The following ARHGAP29 variants were observed in gnomAD, a reference collection of about 807,000 sequenced individuals.
The protein encoded by ARHGAP29 is Rho GTPase activating protein 29.
ARHGAP29 carries 43 observed loss-of-function variants against 122.6 expected under a neutral mutation model. That is an observed-to-expected ratio of 0.35 (90% CI 0.27 to 0.45). The LOEUF (loss-of-function observed/expected upper bound fraction) is 0.45, where lower values mean the gene tolerates loss of function less well. Ranked by LOEUF, ARHGAP29 falls within the 20% of genes least tolerant of loss-of-function variation. The pLI, the probability that ARHGAP29 is intolerant of heterozygous loss-of-function variation, is 1.00. For synonymous variants in ARHGAP29, 506 were observed against 497.1 expected (o/e 1.02, Z -0.24); for missense variants, 1,303 against 1,477.2 (o/e 0.88, Z 1.93).
At chr1:94,205,749 T>G in intron 5 of ARHGAP29, 66 bp from the exon 6 acceptor site, 1 of 1,433,518 alleles carries the variant, frequency 7.0e-7, no homozygotes, top group Non-Finnish European at 9.7e-7. Flanking sequence ...TCAGAATTTT[T>G]TTGCCCCAAT....
chr1:94,247,693 G>GCAGCCA (rs1296679807), intron 1 of ARHGAP29, among the ~76,000 whole-genome samples: 1 of 150,838 alleles, frequency 6.6e-6, no homozygotes, highest in Non-Finnish European at 1.5e-5. Context: ...AGTGGCAGCC[G>GCAGCCA]CAGCCACAGA....
intron 1 of ARHGAP29, among the ~76,000 whole-genome samples, chr1:94,263,477 C>T (rs1345542837): frequency 6.6e-6 from 1 of 152,012 alleles, no homozygotes; most frequent in African/African-American, 2.4e-5. Context: ...TGTTAGACAT[C>T]ATGCAGACCA....
upstream of ARHGAP29, chr1:94,237,605 A>G (rs991272409): frequency 1.0e-6 from 1 of 987,688 alleles, no homozygotes; most frequent in Non-Finnish European, 1.2e-6. Context: ...CCGCCCCTGC[A>G]GCTACCGCCA....
At chr1:94,257,366 C>T (rs1292980149) in intron 1 of ARHGAP29, among the ~76,000 whole-genome samples, 2 of 151,856 alleles carry the variant, frequency 1.3e-5, no homozygotes, top group East Asian at 3.9e-4. Context: ...CAGGCCACTA[C>T]ACTCCAGCCT....
At chr1:94,274,541 T>C (rs987536866) in intron 1 of ARHGAP29, among the ~76,000 whole-genome samples, 5 of 152,238 alleles carry the variant, frequency 3.3e-5, no homozygotes, top group Admixed American at 1.3e-4. Context: ...GTTGGCAATA[T>C]GGTGGTCACA....
At chr1:94,267,309 T>A (rs1654809723) in intron 1 of ARHGAP29, among the ~76,000 whole-genome samples, 1 of 152,216 alleles carries the variant, frequency 6.6e-6, no homozygotes, top group African/African-American at 2.4e-5. Context: ...ATAGTTTTGG[T>A]TTCCAAAGGC....
chr1:94,187,900 A>G (rs1043770680), intron 15 of ARHGAP29, among the ~76,000 whole-genome samples: 2 of 152,198 alleles, frequency 1.3e-5, no homozygotes, highest in African/African-American at 4.8e-5. Flanking sequence ...AATCAGCCTA[A>G]GAACCCAGTG....
intron 12 of ARHGAP29, among the ~76,000 whole-genome samples, chr1:94,200,462 T>C (rs1333659619): frequency 3.9e-5 from 6 of 152,208 alleles, no homozygotes; most frequent in African/African-American, 1.2e-4. Flanking sequence ...AAAAATATTA[T>C]AGCCACTCTG....
chr1:94,310,194 C>G, the ARHGAP29 span, among the ~76,000 whole-genome samples: 1 of 152,154 alleles, frequency 6.6e-6, no homozygotes, highest in Non-Finnish European at 1.5e-5. Context: ...GAGTCCTCAC[C>G]TGGCAGCAAT....
the ARHGAP29 span, among the ~76,000 whole-genome samples, chr1:94,304,624 G>A: frequency 2.1e-4 from 32 of 152,334 alleles, no homozygotes; most frequent in South Asian, 6.4e-3. Context: ...TCACAGCAGT[G>A]GAGAGCAGGT....
intron 1 of ARHGAP29, among the ~76,000 whole-genome samples, chr1:94,269,563 T>C (rs1297652521): frequency 3.3e-5 from 5 of 149,384 alleles, no homozygotes; most frequent in African/African-American, 1.2e-4. Flanking sequence ...AATATATCAT[T>C]ATTATTATTA....
chr1:94,302,082 G>A, the ARHGAP29 span: 1 of 278,848 alleles, frequency 3.6e-6, no homozygotes, highest in Non-Finnish European at 7.0e-6. Flanking sequence ...GCCATACTGG[G>A]CACCTGGTCA....
chr1:94,293,832 T>G, the ARHGAP29 span, among the ~76,000 whole-genome samples: 1 of 152,214 alleles, frequency 6.6e-6, no homozygotes, highest in African/African-American at 2.4e-5. Flanking sequence ...TCCAGGGATT[T>G]TATGAAGGCT....
the ARHGAP29 span, among the ~76,000 whole-genome samples, chr1:94,283,969 G>T: frequency 6.6e-6 from 1 of 151,616 alleles, no homozygotes; most frequent in African/African-American, 2.4e-5. Flanking sequence ...TTGCTTACTT[G>T]TTTGAAAAAC....
intron 1 of ARHGAP29, among the ~76,000 whole-genome samples, chr1:94,262,852 A>G (rs1337235404): frequency 2.6e-5 from 4 of 152,182 alleles, no homozygotes; most frequent in Admixed American, 1.3e-4. Context: ...TGTAAGATCT[A>G]AAAACAGAAC....
chr1:94,169,898 A>G lies in ARHGAP29; in HGVS notation c.*3971T>C, dbSNP rs1648618637. ...AAATCGGGGAAAATTTCAGCATGAA[A>G]ATAAGTGACAATAATACACTGTCAC... On this transcript the variant is annotated 3_prime_UTR_variant, in exon 23 of 23. Transcript: ENST00000260526. Among the ~76,000 whole-genome samples the G allele has an allele frequency of 6.6e-6, 1 of 152,222 alleles. No individual in the cohort carries two copies. Among genetic ancestry groups the G allele is most frequent in the Non-Finnish European group, 1.5e-5 (1 of 68,038 alleles).
At chr1:94,193,917 C>T (rs1461907199) in intron 12 of ARHGAP29, 1 of 152,092 alleles carries the variant, frequency 6.6e-6, no homozygotes, top group Non-Finnish European at 1.5e-5. Context: ...ATATGTATGA[C>T]TTTTAAAAGC....
chr1:94,231,429 A>G lies in ARHGAP29; in HGVS notation c.183T>C (p.Tyr61=). 6.2e-7 allele frequency: 1 copy of G among 1,613,490 alleles called. No homozygotes were observed. Among genetic ancestry groups the G allele is most frequent in the Non-Finnish European group, 8.5e-7 (1 of 1,179,536 alleles). The change falls in exon 2 of 23, where the codon TAT becomes TAC. Residue 61 remains tyrosine (Y), a synonymous_variant. Transcript: ENST00000260526. The part of the protein sequence containing the change: ...DIRKFSHMLL[Y]LKEAIFSDCF... ...AACCTGAAAATATGGCTTCTTTCAA[A>G]TATAGTAACATGTGGGAGAACTTCC... is the stretch of plus-strand genomic sequence containing the variant.
intron 3 of ARHGAP29, among the ~76,000 whole-genome samples, chr1:94,214,707 T>G (rs1171138546): frequency 6.6e-6 from 1 of 152,106 alleles, no homozygotes; most frequent in Non-Finnish European, 1.5e-5. Context: ...TTGCTTAAGG[T>G]TTAAATAATT....
Sources: gnomAD v4.1 joint callset for allele counts (sites outside exome capture counted in the v4.1 genomes callset) on GRCh38, gnomAD v4.1.1 for gene constraint, MANE v1.5 for transcripts, NCBI Gene and HGNC (gene_info 2026-07-23, HGNC 2026-07-21) for gene names.